STAC: variants seen among roughly 807,000 people sequenced by gnomAD.
STAC encodes SH3 and cysteine rich domain.
STAC carries 43 observed loss-of-function variants against 48.8 expected under a neutral mutation model. That is an observed-to-expected ratio of 0.88 (90% CI 0.69 to 1.14). The LOEUF (loss-of-function observed/expected upper bound fraction) is 1.14, where lower values mean the gene tolerates loss of function less well. STAC is among the 50% of genes most tolerant of loss of function. The probability of loss-of-function intolerance (pLI) is 0.00; values close to 1 mark genes in which losing one functional copy is unlikely to be tolerated. For synonymous variants in STAC, 193 were observed against 179.5 expected (o/e 1.07, Z -0.60); for missense variants, 497 against 504.0 (o/e 0.99, Z 0.13).
chr3:36,502,876 C>T (rs1698312199), intron 6 of STAC, among the ~76,000 whole-genome samples: 1 of 152,200 alleles, frequency 6.6e-6, no homozygotes, highest in Non-Finnish European at 1.5e-5. Context: ...AGAGCTCCAC[C>T]AATGACTGCA....
intron 2 of STAC, among the ~76,000 whole-genome samples, chr3:36,467,876 C>T (rs1697220939): frequency 6.6e-6 from 1 of 151,714 alleles, no homozygotes; most frequent in South Asian, 2.1e-4. Context: ...TATTTCTTTT[C>T]TTTTGCTGTG....
intron 1 of STAC, chr3:36,409,400 G>C (rs1291959849): frequency 2.0e-5 from 3 of 152,184 alleles, no homozygotes; most frequent in Non-Finnish European, 4.4e-5. Context: ...GGCTCCATTA[G>C]CATTGGGTCA....
At chr3:36,539,836 C>T (rs1452146739) in intron 10 of STAC, among the ~76,000 whole-genome samples, 1 of 152,172 alleles carries the variant, frequency 6.6e-6, no homozygotes, top group Admixed American at 6.5e-5. Context: ...TTGTAATAGT[C>T]TTGGTCCTTT....
chr3:36,428,022 A>C (rs1213097291), intron 1 of STAC, among the ~76,000 whole-genome samples: 1 of 152,208 alleles, frequency 6.6e-6, no homozygotes, highest in African/African-American at 2.4e-5. Flanking sequence ...AAATGAGAAT[A>C]AAAATACCTG....
intron 6 of STAC, among the ~76,000 whole-genome samples, chr3:36,503,486 A>C (rs2125712533): frequency 6.6e-6 from 1 of 152,228 alleles, no homozygotes; most frequent in East Asian, 1.9e-4. Flanking sequence ...GCTGGAGTGC[A>C]GTGGTGTGAT....
chr3:36,492,067 T>A (rs1188998347), intron 5 of STAC, among the ~76,000 whole-genome samples: 7 of 97,446 alleles, frequency 7.2e-5, no homozygotes, highest in Admixed American at 3.7e-4. Flanking sequence ...TATATATATA[T>A]GTGACTGTCC....
intron 2 of STAC, among the ~76,000 whole-genome samples, chr3:36,465,785 G>C (rs560484927): frequency 6.6e-6 from 1 of 152,206 alleles, no homozygotes; most frequent in African/African-American, 2.4e-5. Context: ...GAAAGAGGTA[G>C]GCTGGGAGGC....
At chr3:36,428,294 G>A (rs1184802695) in intron 1 of STAC, among the ~76,000 whole-genome samples, 4 of 152,048 alleles carry the variant, frequency 2.6e-5, no homozygotes, top group Admixed American at 2.6e-4. Context: ...GAAGTTTTTG[G>A]GAATAAGAGA....
chr3:36,391,433 A>G (rs1404425024), intron 1 of STAC, among the ~76,000 whole-genome samples: 1 of 152,226 alleles, frequency 6.6e-6, no homozygotes, highest in East Asian at 1.9e-4. Flanking sequence ...CAACCCAGAC[A>G]TCACTCTAGT....
rs565584341 is a variant in STAC at position 36,492,222 on chromosome 3, C to T, written c.688-929C>T. ...GTCAGAACTGGACCCTGATTTGAAGCGTTTGCCAGTTCCATGGAGTAAAAC... is the reference window on the plus strand; with the variant it reads ...GTCAGAACTGGACCCTGATTTGAAGTGTTTGCCAGTTCCATGGAGTAAAAC... On this transcript the variant is annotated intron_variant, in intron 5 of 10. Transcript: ENST00000273183. Among the ~76,000 whole-genome samples the T allele has an allele frequency of 8.7e-4, 132 of 150,960 alleles. 2 individuals are homozygous for T. The highest frequency in any genetic ancestry group is 2.6e-3 in the African/African-American group (105 of 41,140).
At chr3:36,418,914 G>A (rs1700380740) in intron 1 of STAC, among the ~76,000 whole-genome samples, 1 of 151,534 alleles carries the variant, frequency 6.6e-6, no homozygotes, top group African/African-American at 2.4e-5. Context: ...AGACATGGTG[G>A]TGCATGCCTG....
At chr3:36,505,708 C>G in intron 7 of STAC, 38 bp from the exon 8 acceptor site, 2 of 1,370,524 alleles carry the variant, frequency 1.5e-6, no homozygotes, top group Non-Finnish European at 2.0e-6. Flanking sequence ...ATTTATTTCA[C>G]CTTTCTTTTC....
intron 6 of STAC, among the ~76,000 whole-genome samples, chr3:36,503,182 T>A (rs1266659579): frequency 6.6e-6 from 1 of 152,132 alleles, no homozygotes; most frequent in Non-Finnish European, 1.5e-5. Context: ...AAATTTCAAG[T>A]CATCAAAATG....
Position 36,528,686 on chromosome 3 carries a change from T to C in STAC, c.921-10T>C. On this transcript the variant is annotated splice_polypyrimidine_tract_variant and intron_variant, in intron 8 of 10. Transcript: ENST00000273183. ...TTTCCTTTACCTAACTCATTCATTC[T>C]TCATTTTAGGCCAGGAGACATAATT... The C allele has an allele frequency of 1.3e-6, 2 of 1,587,960 alleles. No homozygotes were observed. The highest frequency in any genetic ancestry group is 1.7e-6 in the Non-Finnish European group (2 of 1,169,804).
At chr3:36,448,361 A>G (rs1696579342) in intron 2 of STAC, among the ~76,000 whole-genome samples, 1 of 150,138 alleles carries the variant, frequency 6.7e-6, no homozygotes, top group Non-Finnish European at 1.5e-5. Flanking sequence ...AGCTGGGATT[A>G]CAGGCAGGTG....
chr3:36,385,510 T>C (rs912785360), intron 1 of STAC, among the ~76,000 whole-genome samples: 4 of 152,096 alleles, frequency 2.6e-5, no homozygotes, highest in Admixed American at 2.6e-4. Context: ...AAACTTTTCA[T>C]CAAAGTACAA....
chr3:36,425,789 G>T (rs1270795669), intron 1 of STAC, among the ~76,000 whole-genome samples: 1 of 152,202 alleles, frequency 6.6e-6, no homozygotes, highest in Non-Finnish European at 1.5e-5. Context: ...ACTTTGGGAG[G>T]CCAACGCAGG....
chr3:36,453,446 G>GCCGGCCCCA (rs1170014632), intron 2 of STAC, among the ~76,000 whole-genome samples: 1 of 152,204 alleles, frequency 6.6e-6, no homozygotes, highest in African/African-American at 2.4e-5. Context: ...GGAGAGGCCG[G>GCCGGCCCCA]CCGGCCCCAC....
In STAC at chr3:36,546,298, T is replaced by C. The variant is rs551002187; in HGVS notation, c.*9T>C. On this transcript the variant is annotated 3_prime_UTR_variant, in exon 11 of 11. Transcript: ENST00000273183. Reference sequence around the variant, plus strand: ...TACTAGAAAACATCTGATTGCTGGCTCCTCCTCCGTTTGCAGTAGGCAAGC... The same window carrying C: ...TACTAGAAAACATCTGATTGCTGGCCCCTCCTCCGTTTGCAGTAGGCAAGC... 8.1e-6 allele frequency: 13 copies of C among 1,612,502 alleles called. No individual in the cohort carries two copies. The South Asian group carries it at 1.2e-4, about 15-fold the overall frequency.
Sources: gnomAD v4.1 joint callset for allele counts (sites outside exome capture counted in the v4.1 genomes callset) on GRCh38, gnomAD v4.1.1 for gene constraint, MANE v1.5 for transcripts, NCBI Gene and HGNC (gene_info 2026-07-23, HGNC 2026-07-21) for gene names.